NBAS: variants seen among roughly 807,000 people sequenced by gnomAD.
The protein encoded by NBAS is NAG/BC035112 fusion.
In NBAS, 219 loss-of-function variants were observed where a neutral mutation model predicts 302.5. The ratio of observed to expected loss-of-function variants is 0.72; its 90% CI spans 0.65 to 0.81. NBAS has a LOEUF of 0.81. Among genes scored for constraint, NBAS ranks in the 30% least tolerant of loss-of-function variants. NBAS has a pLI of 0.00. For synonymous variants in NBAS, 1,118 were observed against 1,021.6 expected, an observed-to-expected ratio of 1.09 and a Z score of -1.80; for missense variants, 2,932 against 2,841.6, an observed-to-expected ratio of 1.03 and a Z score of -0.72.
At chr2:15,466,442 T>C (rs962096024) in intron 19 of NBAS, among the ~76,000 whole-genome samples, 3 of 152,202 alleles carry the variant, frequency 2.0e-5, no homozygotes, top group Non-Finnish European at 2.9e-5. Context: ...TACTGAAATG[T>C]GGCTGACTTC....
In NBAS at chr2:15,474,101, C is replaced by A. The variant is rs555950436; in HGVS notation, c.1565G>T (p.Arg522Leu). Reference sequence around the variant, plus strand: ...ATAAAGTTCCTCTGGTGTCGTGGAGCGCAAACTCACAAGGCGGTAGTTTTT... The same window carrying A: ...ATAAAGTTCCTCTGGTGTCGTGGAGAGCAAACTCACAAGGCGGTAGTTTTT... ...ITKNYRLVSL[R>L]STTPEELYQR... The change falls in exon 15 of 52, where the codon CGC (arginine) becomes CTC (leucine). Residue 522 changes from arginine (R) to leucine (L), a missense_variant. Physicochemically the swap from Arg to Leu is moderately radical, Grantham distance 102. Transcript: ENST00000281513. The A allele has an allele frequency of 2.7e-5, 43 of 1,614,062 alleles. No individual in the cohort carries two copies. Among genetic ancestry groups the A allele is most frequent in the Non-Finnish European group, 3.6e-5 (43 of 1,180,040 alleles).
rs545091965 is a variant in NBAS, at chr2:15,556,919, C to A, written c.173-100G>T. 6.2e-5 allele frequency: 56 copies of A among 907,970 alleles called. 1 individual carries two copies. The South Asian group carries it at 7.9e-4, about 13-fold the overall frequency. 56.2% of individuals were successfully genotyped at this position (907,970 alleles called of 1,614,324 possible). A position where few individuals can be genotyped will look rare whatever the true frequency, so the allele number is the denominator to read the frequency against. On this transcript the variant is annotated intron_variant, in intron 2 of 51. Transcript: ENST00000281513. ...GAGAAATCTAAAATATACTACAGAG[C>A]GAGTCATTAAAAAAAATAAAGAACT...
At chr2:15,182,621 C>T (rs1483443541) in intron 50 of NBAS, among the ~76,000 whole-genome samples, 1 of 152,138 alleles carries the variant, frequency 6.6e-6, no homozygotes, top group Non-Finnish European at 1.5e-5. Flanking sequence ...TCACAAATAG[C>T]GGGACCTCGG....
intron 21 of NBAS, among the ~76,000 whole-genome samples, chr2:15,460,170 T>G (rs933010923): frequency 6.6e-6 from 1 of 152,200 alleles, no homozygotes; most frequent in African/African-American, 2.4e-5. Flanking sequence ...TTCCAGTAGC[T>G]GAAATTAGTA....
At chr2:15,018,923 T>C in the NBAS span, among the ~76,000 whole-genome samples, 2 of 152,204 alleles carry the variant, frequency 1.3e-5, no homozygotes, top group African/African-American at 4.8e-5. Flanking sequence ...TTCATGCATG[T>C]AGAGGAAGGT....
At chr2:15,022,945 A>T in the NBAS span, among the ~76,000 whole-genome samples, 1,874 of 149,508 alleles carry the variant, frequency 0.013, 38 homozygotes, top group African/African-American at 0.044. Flanking sequence ...GTTTTTTTTT[A>T]TTTTTTTTTG....
At chr2:15,439,026 T>G (rs1197082725) in intron 21 of NBAS, among the ~76,000 whole-genome samples, 1 of 152,256 alleles carries the variant, frequency 6.6e-6, no homozygotes, top group South Asian at 2.1e-4. Context: ...CCGGGCACGG[T>G]GGCTCATGCC....
chr2:14,825,114 G>T, the NBAS span, among the ~76,000 whole-genome samples: 1 of 152,160 alleles, frequency 6.6e-6, no homozygotes, highest in Non-Finnish European at 1.5e-5. Context: ...TCGGGGTGTG[G>T]CAGGCAGCTG....
At chr2:15,365,435 C>T (rs1006821802) in intron 32 of NBAS, among the ~76,000 whole-genome samples, 1 of 152,206 alleles carries the variant, frequency 6.6e-6, no homozygotes, top group Non-Finnish European at 1.5e-5. Context: ...CCTCTCCTAA[C>T]TTCACAGGTG....
At chr2:15,188,959 C>A (rs1196605680) in intron 49 of NBAS, among the ~76,000 whole-genome samples, 1 of 152,120 alleles carries the variant, frequency 6.6e-6, no homozygotes, top group Non-Finnish European at 1.5e-5. Context: ...TAGTCTCACC[C>A]AGGAGTGTGT....
At chr2:14,980,952 G>T in the NBAS span, among the ~76,000 whole-genome samples, 1 of 151,776 alleles carries the variant, frequency 6.6e-6, no homozygotes, top group Non-Finnish European at 1.5e-5. Context: ...AAAGTTGGGG[G>T]ATCATTTAGA....
At chr2:15,069,079 A>G in the NBAS span, among the ~76,000 whole-genome samples, 1 of 152,216 alleles carries the variant, frequency 6.6e-6, no homozygotes, top group Admixed American at 6.5e-5. Flanking sequence ...AAATGGATTA[A>G]TGCATTCAGG....
chr2:15,257,296 C>T (rs1668643806), intron 44 of NBAS, among the ~76,000 whole-genome samples: 1 of 152,046 alleles, frequency 6.6e-6, no homozygotes, highest in African/African-American at 2.4e-5. Context: ...AATTTATCCA[C>T]CTCCTCTGGG....
chr2:15,089,111 C>A, the NBAS span, among the ~76,000 whole-genome samples: 1 of 152,136 alleles, frequency 6.6e-6, no homozygotes, highest in South Asian at 2.1e-4. Context: ...CTCCCAATGA[C>A]AAAATACAAA....
At chr2:14,833,494 A>G in the NBAS span, among the ~76,000 whole-genome samples, 1 of 152,138 alleles carries the variant, frequency 6.6e-6, no homozygotes, top group Non-Finnish European at 1.5e-5. Context: ...TGTTAGGTAA[A>G]GTATCTGTGA....
chr2:15,461,482 T>A (rs772135105), intron 20 of NBAS, 145 bp from the exon 21 acceptor site: 6 of 888,556 alleles, frequency 6.8e-6, no homozygotes, highest in Non-Finnish European at 1.1e-5. Flanking sequence ...CTAGCCTATA[T>A]CCTGTTTCTC....
the NBAS span, among the ~76,000 whole-genome samples, chr2:14,922,598 T>C: frequency 9.9e-5 from 15 of 152,182 alleles, no homozygotes; most frequent in African/African-American, 2.7e-4. Flanking sequence ...ACCAATCATA[T>C]TGGATTAAGG....
chr2:15,495,469 A>AG (rs1477765909), intron 11 of NBAS, among the ~76,000 whole-genome samples: 1 of 152,210 alleles, frequency 6.6e-6, no homozygotes, highest in African/African-American at 2.4e-5. Flanking sequence ...AATTTTTAAG[A>AG]GAAAAAAAAG....
the NBAS span, among the ~76,000 whole-genome samples, chr2:15,120,679 G>A: frequency 7.2e-5 from 11 of 152,260 alleles, no homozygotes; most frequent in South Asian, 2.1e-4. Flanking sequence ...CCATCAATGC[G>A]CCATAAGTGA....
Sources: gnomAD v4.1 joint callset for allele counts (sites outside exome capture counted in the v4.1 genomes callset) on GRCh38, gnomAD v4.1.1 for gene constraint, MANE v1.5 for transcripts, NCBI Gene and HGNC (gene_info 2026-07-23, HGNC 2026-07-21) for gene names.